The following PRORP variants were observed in gnomAD, a reference collection of about 807,000 sequenced individuals.
PRORP encodes protein only RNase P catalytic subunit.
PRORP carries 51 observed loss-of-function variants against 59.4 expected under a neutral mutation model. The ratio of observed to expected loss-of-function variants is 0.86; its 90% CI spans 0.69 to 1.08. PRORP has a LOEUF of 1.08. Among genes scored for constraint, PRORP ranks in the 50% least tolerant of loss-of-function variants. The pLI is 0.00. For synonymous variants in PRORP, 231 were observed against 245.6 expected, an observed-to-expected ratio of 0.94 and a Z score of 0.55; for missense variants, 646 against 690.3, an observed-to-expected ratio of 0.94 and a Z score of 0.72.
intron 4 of PRORP, among the ~76,000 whole-genome samples, chr14:35,162,536 T>C (rs73236907): frequency 0.06 from 9,056 of 152,198 alleles, 486 homozygotes; most frequent in Admixed American, 0.18. Context: ...TTTTGAGTTA[T>C]TGACTGTTTT....
At chr14:35,236,897 TTC>T (rs776759977) in intron 5 of PRORP, among the ~76,000 whole-genome samples, 6 of 151,622 alleles carry the variant, frequency 4.0e-5, no homozygotes, top group African/African-American at 7.3e-5. Context: ...TCCTAATTAT[TTC>T]TCTCTCTCTC....
At chr14:35,158,644 T>G in intron 4 of PRORP, 1 of 376,816 alleles carries the variant, frequency 2.7e-6, no homozygotes, top group South Asian at 2.7e-5. Context: ...TGTTCACTTG[T>G]GATTCTGCAT....
At chr14:35,206,880 T>C (rs2049307313) in intron 5 of PRORP, among the ~76,000 whole-genome samples, 1 of 152,236 alleles carries the variant, frequency 6.6e-6, no homozygotes, top group African/African-American at 2.4e-5. Context: ...CATGTTCTAA[T>C]GCTCACTTAG....
At chr14:35,186,253 G>T (rs1388314969) in intron 5 of PRORP, among the ~76,000 whole-genome samples, 5 of 151,600 alleles carry the variant, frequency 3.3e-5, no homozygotes, top group African/African-American at 4.9e-5. Flanking sequence ...AAAGTGTTGG[G>T]ATTACAGGTA....
chr14:35,220,906 G>C (rs982644244), intron 5 of PRORP, among the ~76,000 whole-genome samples: 3 of 152,140 alleles, frequency 2.0e-5, no homozygotes, highest in African/African-American at 7.2e-5. Context: ...AAGACACTGT[G>C]ATAAGTATTT....
chr14:35,164,722 A>G (rs2048141341), intron 4 of PRORP, among the ~76,000 whole-genome samples: 1 of 152,178 alleles, frequency 6.6e-6, no homozygotes, highest in African/African-American at 2.4e-5. Flanking sequence ...GAACCTCTAC[A>G]TGGATCTGCT....
At chr14:35,187,379 T>C (rs1228011416) in intron 5 of PRORP, among the ~76,000 whole-genome samples, 1 of 152,054 alleles carries the variant, frequency 6.6e-6, no homozygotes, top group Non-Finnish European at 1.5e-5. Context: ...TTTTTTTGTT[T>C]GTTTTGGTCA....
intron 5 of PRORP, among the ~76,000 whole-genome samples, chr14:35,237,517 C>T (rs957842667): frequency 2.0e-5 from 3 of 152,086 alleles, no homozygotes; most frequent in African/African-American, 4.8e-5. Flanking sequence ...AGTTTTGTTT[C>T]TTTCAAATCT....
At chr14:35,227,856 T>G (rs2049974267) in intron 5 of PRORP, among the ~76,000 whole-genome samples, 1 of 152,126 alleles carries the variant, frequency 6.6e-6, no homozygotes, top group Non-Finnish European at 1.5e-5. Flanking sequence ...ATTTAAAGAC[T>G]TAAATCAGCC....
At chr14:35,142,451 A>G (rs949868171) in intron 4 of PRORP, among the ~76,000 whole-genome samples, 1 of 140,586 alleles carries the variant, frequency 7.1e-6, no homozygotes, top group Admixed American at 7.6e-5. Context: ...GGGCTGGAGC[A>G]ATCCTCCCAC....
At chr14:35,183,283 G>A (rs557055232) in intron 5 of PRORP, among the ~76,000 whole-genome samples, 14 of 152,018 alleles carry the variant, frequency 9.2e-5, no homozygotes, top group Admixed American at 4.6e-4. Flanking sequence ...TTGGGAATTG[G>A]GGATAGAATA....
chr14:35,156,906 T>C (rs987569215), intron 4 of PRORP, among the ~76,000 whole-genome samples: 2 of 152,136 alleles, frequency 1.3e-5, no homozygotes, highest in East Asian at 1.9e-4. Flanking sequence ...TTGTAGTCGT[T>C]GTCAATATTT....
chr14:35,255,783 A>G (rs1418603589), intron 5 of PRORP, among the ~76,000 whole-genome samples: 5 of 152,344 alleles, frequency 3.3e-5, no homozygotes, highest in South Asian at 2.1e-4. Flanking sequence ...GAAATTCTCT[A>G]TGAACAATCA....
At chr14:35,270,324 TA>T in intron 6 of PRORP, 76 bp from the exon 7 acceptor site, 1 of 1,413,190 alleles carries the variant, frequency 7.1e-7, no homozygotes, top group African/African-American at 1.4e-5. Flanking sequence ...GGAAAGTAAG[TA>T]AAAAGTACGG....
intron 4 of PRORP, among the ~76,000 whole-genome samples, chr14:35,151,364 A>G (rs565398847): frequency 6.6e-6 from 1 of 152,176 alleles, no homozygotes; most frequent in Admixed American, 6.5e-5. Context: ...GAAGGAAGAG[A>G]AAACTACCAG....
rs977791357 is a variant in PRORP, at chr14:35,270,532, A to G, written c.1556A>G (p.Lys519Arg). The G allele has an allele frequency of 4.3e-6, 7 of 1,614,054 alleles. No individual in the cohort carries two copies. Among genetic ancestry groups the G allele is most frequent in the Non-Finnish European group, 5.9e-6 (7 of 1,180,040 alleles). The stretch of plus-strand genomic sequence containing the variant: ...GCCAAGACCCAACGCCTGTTTTTTA[A>G]GTGGCAGCAGGGACATCAGCTGGCA... ...PDAKTQRLFF[K>R]WQQGHQLAIV... The change falls in exon 7 of 8, where the codon AAG (lysine) becomes AGG (arginine). Residue 519 changes from lysine to arginine, a missense_variant. Transcript: ENST00000534898.
intron 5 of PRORP, among the ~76,000 whole-genome samples, chr14:35,191,979 A>G (rs1407100600): frequency 6.6e-6 from 1 of 151,792 alleles, no homozygotes; most frequent in African/African-American, 2.4e-5. Context: ...ACTTCTTTCC[A>G]TTTCCATTAA....
chr14:35,140,864 C>T lies in PRORP; in HGVS notation c.1167+13253C>T, dbSNP rs1346798033. Reference sequence around the variant, plus strand: ...TATATAAGGTAATTTTTTAGCTTTTCTGTTTTAAACATTTGTTTACTGTAA... The same window carrying T: ...TATATAAGGTAATTTTTTAGCTTTTTTGTTTTAAACATTTGTTTACTGTAA... On this transcript the variant is annotated intron_variant, in intron 4 of 7. Coordinates refer to ENST00000534898, the MANE Select transcript of PRORP (RefSeq NM_014672.4). 6.2e-5 allele frequency among the ~76,000 whole-genome samples: 9 copies of T among 146,072 alleles called. 1 individual carries two copies. The highest frequency in any genetic ancestry group is 2.2e-4 in the African/African-American group (9 of 41,088).
chr14:35,126,830 G>A (rs2047110966), intron 3 of PRORP, 48 bp downstream of exon 3: 1 of 1,396,682 alleles, frequency 7.2e-7, no homozygotes, highest in Admixed American at 1.9e-5. Flanking sequence ...GGTTTAGTAG[G>A]TTTTGTTGCT....
Sources: gnomAD v4.1 joint callset for allele counts (sites outside exome capture counted in the v4.1 genomes callset) on GRCh38, gnomAD v4.1.1 for gene constraint, MANE v1.5 for transcripts, NCBI Gene and HGNC (gene_info 2026-07-23, HGNC 2026-07-21) for gene names.